The following AP1G1 variants were observed in gnomAD, a reference collection of about 807,000 sequenced individuals.
AP1G1 encodes AP-1 complex subunit gamma-1.
AP1G1 carries 7 observed loss-of-function variants against 108.3 expected under a neutral mutation model. The ratio of observed to expected loss-of-function variants is 0.06; its 90% CI spans 0.04 to 0.12. AP1G1 has a LOEUF of 0.12. AP1G1 is among the 10% of genes least tolerant of loss of function. The pLI, the probability that AP1G1 is intolerant of heterozygous loss-of-function variation, is 1.00. For missense variants in AP1G1, 756 were observed against 1,010.7 expected, an observed-to-expected ratio of 0.75 and a Z score of 3.42; for synonymous variants, 379 against 353.5, an observed-to-expected ratio of 1.07 and a Z score of -0.81.
intron 2 of AP1G1, among the ~76,000 whole-genome samples, chr16:71,778,758 G>C (rs989407998): frequency 6.6e-6 from 1 of 151,744 alleles, no homozygotes; most frequent in African/African-American, 2.4e-5. Context: ...GAAAGATAAA[G>C]GTTTGGGGGG....
At chr16:71,780,981 C>T (rs868476213) in intron 2 of AP1G1, among the ~76,000 whole-genome samples, 1 of 152,124 alleles carries the variant, frequency 6.6e-6, no homozygotes, top group Non-Finnish European at 1.5e-5. Context: ...CTGTACCCTA[C>T]CCTAACTTTT....
intron 6 of AP1G1, among the ~76,000 whole-genome samples, chr16:71,768,613 A>T (rs1269059730): frequency 6.6e-6 from 1 of 151,370 alleles, no homozygotes; most frequent in African/African-American, 2.4e-5. Context: ...TTTTAGTTTT[A>T]ACCTTAAAAA....
intron 6 of AP1G1, among the ~76,000 whole-genome samples, chr16:71,768,065 G>T (rs1293544256): frequency 2.0e-5 from 3 of 151,640 alleles, no homozygotes; most frequent in Non-Finnish European, 4.4e-5. Context: ...TACAAAGTGA[G>T]TTCTATTTAT....
chr16:71,756,771 T>C (rs1454655600), intron 11 of AP1G1, among the ~76,000 whole-genome samples: 1 of 151,096 alleles, frequency 6.6e-6, no homozygotes, highest in Non-Finnish European at 1.5e-5. Flanking sequence ...GTGAAAGCAC[T>C]TCTGTACTAA....
chr16:71,806,372 T>A (rs1332498251), intron 1 of AP1G1, among the ~76,000 whole-genome samples: 1 of 152,226 alleles, frequency 6.6e-6, no homozygotes, highest in Non-Finnish European at 1.5e-5. Flanking sequence ...CTACAGTGAA[T>A]GCAAACTATC....
intron 2 of AP1G1, chr16:71,777,483 T>C (rs1241966320): frequency 4.6e-6 from 1 of 218,440 alleles, no homozygotes; most frequent in African/African-American, 2.4e-5. Context: ...AAGAAGAGGG[T>C]GGCGGCTCTG....
At chr16:71,757,448 CAAA>C (rs1161916975) in intron 11 of AP1G1, among the ~76,000 whole-genome samples, 2 of 99,074 alleles carry the variant, frequency 2.0e-5, no homozygotes, top group Admixed American at 1.1e-4. Context: ...ACTCCGTCTC[CAAA>C]AAAAAAAAAA....
rs986151893 is a variant in AP1G1, at chr16:71,767,742, T to C, written c.642+1881A>G. On this transcript the variant is annotated intron_variant, in intron 6 of 22. Transcript: ENST00000299980. ...AGACTAGGAAGTTAGCCAAAGATGG[T>C]AGAACAATAACTCACAGTATTAAGC... 11 of 851,540 alleles carry C rather than the reference T, an allele frequency of 1.3e-5. No individual in the cohort carries two copies. In the African/African-American group the frequency reaches 1.9e-4, roughly 15 times the overall value. 52.7% of individuals were successfully genotyped at this position (851,540 alleles called of 1,614,324 possible). A position where few individuals can be genotyped will look rare whatever the true frequency, so the allele number is the denominator to read the frequency against.
chr16:71,771,235 A>G lies in AP1G1; in HGVS notation c.486T>C (p.Val162=), dbSNP rs1289019671. Residue 162 remains valine, a synonymous_variant, in exon 5 of 23, where the codon GTT becomes GTC. Coordinates refer to ENST00000299980, the MANE Select transcript of AP1G1 (RefSeq NM_001128.6). The part of the protein sequence containing the change: ...YLRKKAALCA[V]HVIRKVPELM... ...GTTCAGGAACTTTCCTGATGACATG[A>G]ACAGCACACAGTGCTGCCTATGAAA... 5.6e-6 allele frequency: 9 copies of G among 1,605,050 alleles called. No homozygotes were observed. Among genetic ancestry groups the G allele is most frequent in the Non-Finnish European group, 7.6e-6 (9 of 1,176,564 alleles).
At chr16:71,746,731 G>C in intron 16 of AP1G1, 39 bp from the exon 17 acceptor site, 1 of 1,470,170 alleles carries the variant, frequency 6.8e-7, no homozygotes, top group African/African-American at 1.4e-5. Context: ...ATACCCAAAA[G>C]AAAATTCACA....
intron 10 of AP1G1, among the ~76,000 whole-genome samples, chr16:71,760,213 A>C (rs1352992243): frequency 6.9e-6 from 1 of 144,668 alleles, no homozygotes; most frequent in Non-Finnish European, 1.5e-5. Context: ...AGGGTGCCAC[A>C]ATAATTATTT....
rs140970359 is a variant in AP1G1, at chr16:71,793,162, G to C, written c.-3-3680C>G. Among the ~76,000 whole-genome samples the C allele has an allele frequency of 3.4e-3, 516 of 152,260 alleles. 3 individuals carry two copies. Among genetic ancestry groups the C allele is most frequent in the African/African-American group, 0.012 (496 of 41,564 alleles). ...AGCCTGGGCGATGGCACAAGATCCT[G>C]TCTCAAAAAACAGAAAAAGCAAACA... On this transcript the variant is annotated intron_variant, in intron 1 of 22. Coordinates refer to ENST00000299980, the MANE Select transcript of AP1G1 (RefSeq NM_001128.6).
At chr16:71,783,445 T>C (rs932914677) in intron 2 of AP1G1, among the ~76,000 whole-genome samples, 1 of 152,174 alleles carries the variant, frequency 6.6e-6, no homozygotes, top group African/African-American at 2.4e-5. Flanking sequence ...TTTTAAAGGA[T>C]ACTATTTGCA....
At chr16:71,763,088 C>T (rs8052152) in intron 9 of AP1G1, among the ~76,000 whole-genome samples, 146,292 of 152,284 alleles carry the variant, frequency 0.96, 70,319 homozygotes, top group East Asian at 1. Flanking sequence ...AAGTGAAATG[C>T]TGGAGCTGGA....
At chr16:71,756,453 G>A (rs2030789002) in intron 11 of AP1G1, 1 of 254,576 alleles carries the variant, frequency 3.9e-6, no homozygotes, top group Non-Finnish European at 7.4e-6. Context: ...CTACAAAGGT[G>A]GAAGTTAGAA....
rs910576968 is a variant in AP1G1 at position 71,774,341 on chromosome 16, A to G, written c.326+127T>C. On this transcript the variant is annotated intron_variant, in intron 3 of 22. Transcript: ENST00000299980. ...GGGAGGACGGTGGCAGCGGAGGAGGATGCAGTGAGTCAAGATCACGCCACT... is the reference window on the plus strand; with the variant it reads ...GGGAGGACGGTGGCAGCGGAGGAGGGTGCAGTGAGTCAAGATCACGCCACT... 1.5e-5 allele frequency: 14 copies of G among 937,840 alleles called. No individual in the cohort carries two copies. The Admixed American group carries it at 4.1e-4, about 27-fold the overall frequency. The allele number at this position is 937,840 out of a possible 1,614,324, so 58.1% of individuals were successfully genotyped here. A position where few individuals can be genotyped will look rare whatever the true frequency, so the allele number is the denominator to read the frequency against.
chr16:71,753,255 A>T (rs141409812), intron 13 of AP1G1, among the ~76,000 whole-genome samples: 1 of 152,356 alleles, frequency 6.6e-6, no homozygotes, highest in East Asian at 1.9e-4. Context: ...CAAAGAAAGG[A>T]TCCCATCCAA....
At chr16:71,767,544 A>G (rs1273546370) in intron 6 of AP1G1, among the ~76,000 whole-genome samples, 1 of 152,220 alleles carries the variant, frequency 6.6e-6, no homozygotes, top group Non-Finnish European at 1.5e-5. Flanking sequence ...TTTTGTGTCA[A>G]AGCTCCAGAC....
chr16:71,767,847 T>A (rs780309975), intron 6 of AP1G1: 1 of 1,597,626 alleles, frequency 6.3e-7, no homozygotes, highest in Non-Finnish European at 8.5e-7. Context: ...AATGCCAGCA[T>A]GCACCATCTA....
Sources: gnomAD v4.1 joint callset for allele counts (sites outside exome capture counted in the v4.1 genomes callset) on GRCh38, gnomAD v4.1.1 for gene constraint, MANE v1.5 for transcripts, NCBI Gene and HGNC (gene_info 2026-07-23, HGNC 2026-07-21) for gene names.